The following LGALS8 variants were observed in gnomAD, a reference collection of about 807,000 sequenced individuals.
LGALS8 encodes galectin-8.
LGALS8 carries 30 observed loss-of-function variants against 35.9 expected under a neutral mutation model. The ratio of observed to expected loss-of-function variants is 0.83; its 90% CI spans 0.62 to 1.13. The LOEUF (loss-of-function observed/expected upper bound fraction) is 1.13, where lower values mean the gene tolerates loss of function less well. Ranked by LOEUF, LGALS8 falls within the 50% of genes most tolerant of loss-of-function variation. LGALS8 has a pLI of 0.00. For missense variants in LGALS8, 366 were observed against 388.7 expected (o/e 0.94, Z 0.49); for synonymous variants, 138 against 136.1 (o/e 1.01, Z -0.10).
At chr1:236,524,962 G>A (rs1269708667) in intron 1 of LGALS8, among the ~76,000 whole-genome samples, 1 of 152,128 alleles carries the variant, frequency 6.6e-6, no homozygotes, top group Non-Finnish European at 1.5e-5. Flanking sequence ...CAGAATTGCT[G>A]GAAGTAAAAT....
intron 3 of LGALS8, 78 bp downstream of exon 3, chr1:236,537,663 G>A (rs1661632442): frequency 9.4e-7 from 1 of 1,061,116 alleles, no homozygotes; most frequent in Non-Finnish European, 1.5e-6. Flanking sequence ...GAGTAAGGCG[G>A]GAGAGACCAT....
At chr1:236,542,720 TCC>T (rs1307633588) in intron 6 of LGALS8, 39 bp from the exon 7 acceptor site, 1 of 1,602,296 alleles carries the variant, frequency 6.2e-7, no homozygotes, top group South Asian at 1.1e-5. Flanking sequence ...CTATAATTCT[TCC>T]CCTTCTAACA....
rs1463948881 is a variant in LGALS8 at position 236,548,169 on chromosome 1, A to G, written c.*8A>G. The stretch of plus-strand genomic sequence containing the variant: ...GAAGTAAGGAGCTGGTAGCCTACCT[A>G]CACAGCTGCTACAAAAACCAAAATA... On this transcript the variant is annotated 3_prime_UTR_variant, in exon 10 of 10. Coordinates refer to ENST00000366584, the MANE Select transcript of LGALS8 (RefSeq NM_201544.4). 3.7e-6 allele frequency: 6 copies of G among 1,609,782 alleles called. No individual in the cohort carries two copies. In the South Asian group the frequency reaches 6.7e-5, roughly 18 times the overall value.
intron 2 of LGALS8, among the ~76,000 whole-genome samples, chr1:236,528,124 T>G (rs1157289263): frequency 6.6e-6 from 1 of 152,052 alleles, no homozygotes; most frequent in Non-Finnish European, 1.5e-5. Flanking sequence ...GGCTCACACC[T>G]GTAATCCCAG....
In LGALS8 at chr1:236,548,856, A is replaced by G; in HGVS notation, c.*695A>G. The G allele has an allele frequency of 2.5e-6, 1 of 398,324 alleles. No individual in the cohort carries two copies. Among genetic ancestry groups the G allele is most frequent in the East Asian group, 3.6e-5 (1 of 28,066 alleles). 24.7% of individuals were successfully genotyped at this position (398,324 alleles called of 1,614,324 possible). ...GGCATGACATCTGAGCACAGAAATTAAGGCAAAAAACCAAAGCAAAACAAA... is the reference window on the plus strand; with the variant it reads ...GGCATGACATCTGAGCACAGAAATTGAGGCAAAAAACCAAAGCAAAACAAA... On this transcript the variant is annotated 3_prime_UTR_variant, in exon 10 of 10. Transcript: ENST00000366584.
chr1:236,539,201 T>C, intron 4 of LGALS8, 112 bp downstream of exon 4: 1 of 279,830 alleles, frequency 3.6e-6, no homozygotes, highest in African/African-American at 5.5e-5. Context: ...AGATATAGTT[T>C]GTTTGGCTTT....
Position 236,544,931 on chromosome 1 carries a change from T to C in LGALS8, c.804+16T>C, listed in dbSNP as rs201575471. On this transcript the variant is annotated intron_variant, in intron 9 of 9. Transcript: ENST00000366584. ...GTACTTTGAGGTGAGGTTACAGTTTTTGAAAATGGGACAGCAATAAGAATC... is the reference window on the plus strand; with the variant it reads ...GTACTTTGAGGTGAGGTTACAGTTTCTGAAAATGGGACAGCAATAAGAATC... The C allele has an allele frequency of 4.0e-4, 641 of 1,584,812 alleles. 6 individuals carry two copies. In the South Asian group the frequency reaches 5.3e-3, roughly 13 times the overall value.
chr1:236,548,784 C>T lies in LGALS8; in HGVS notation c.*623C>T, dbSNP rs965040307. On this transcript the variant is annotated 3_prime_UTR_variant, in exon 10 of 10. Coordinates refer to ENST00000366584, the MANE Select transcript of LGALS8 (RefSeq NM_201544.4). ...TGTTGACTGACATCATTTTCTTTAT[C>T]GTAATAAACATGTGGCTCTATTAGC... is the stretch of plus-strand genomic sequence containing the variant. 5.1e-6 allele frequency: 2 copies of T among 394,772 alleles called. No homozygotes were observed. The highest frequency in any genetic ancestry group is 6.4e-4 in the Middle Eastern group (1 of 1,570). 24.5% of individuals were successfully genotyped at this position (394,772 alleles called of 1,614,324 possible). A position where few individuals can be genotyped will look rare whatever the true frequency, so the allele number is the denominator to read the frequency against.
In LGALS8 at chr1:236,544,752, T is replaced by G. The variant is rs767986818; in HGVS notation, c.641T>G (p.Phe214Cys). The G allele has an allele frequency of 3.1e-6, 5 of 1,593,070 alleles. No individual in the cohort carries two copies. Among genetic ancestry groups the G allele is most frequent in the Non-Finnish European group, 4.3e-6 (5 of 1,172,492 alleles). The change falls in exon 9 of 10, where the codon TTT becomes TGT. Residue 214 changes from phenylalanine to cysteine, a missense_variant and splice_region_variant. Coordinates refer to ENST00000366584, the MANE Select transcript of LGALS8 (RefSeq NM_201544.4). ...KGEVNANAKS[F>C]NVDLLAGKSK... ...TTTTTTTCTTTCTTTCTCAAAAGCT[T>G]TAATGTTGACCTACTAGCAGGAAAA...
At chr1:236,543,115 C>G in intron 7 of LGALS8, 1 of 1,385,594 alleles carries the variant, frequency 7.2e-7, no homozygotes. Context: ...TAACCTGTAT[C>G]CACAATAGAG....
In LGALS8 at chr1:236,550,747, A is replaced by G; in HGVS notation, c.*2586A>G. On this transcript the variant is annotated 3_prime_UTR_variant, in exon 10 of 10. Transcript: ENST00000366584. The stretch of plus-strand genomic sequence containing the variant: ...AGAGGCTTATGTGGCAGCACAAGCC[A>G]GGTGGGGATTTTGTAAAGAAGTGAT... The G allele has an allele frequency of 1.7e-6, 1 of 586,294 alleles. No homozygotes were observed. Among genetic ancestry groups the G allele is most frequent in the Non-Finnish European group, 3.0e-6 (1 of 337,656 alleles). 36.3% of individuals were successfully genotyped at this position (586,294 alleles called of 1,614,324 possible).
At chr1:236,522,449 T>A (rs1266386), upstream of LGALS8, among the ~76,000 whole-genome samples, 49,232 of 151,724 alleles carry the variant, frequency 0.32, 8,509 homozygotes, top group East Asian at 0.59. Context: ...CAAAAAAAAA[T>A]TTTTAAATTA....
In LGALS8 at chr1:236,537,021, C is replaced by CTTTTTTTTGTTTTTTTTTTTTT. The variant is rs562338325; in HGVS notation, c.46-468_46-467insGTTTTTTTTTTTTTTTTTTTTT. Among the ~76,000 whole-genome samples, 2 of 137,850 alleles carry CTTTTTTTTGTTTTTTTTTTTTT rather than the reference C, an allele frequency of 1.5e-5. 1 individual carries two copies. 90.4% of individuals were successfully genotyped at this position (137,850 alleles called of 152,430 possible). A position where few individuals can be genotyped will look rare whatever the true frequency, so the allele number is the denominator to read the frequency against. ...ATCCTGGCCATGAGGTATGCAGTTC[C>CTTTTTTTTGTTTTTTTTTTTTT]TTTTTTTTTTTTTGAGACGGAGCCT... On this transcript the variant is annotated intron_variant, in intron 2 of 9. Transcript: ENST00000366584.
At chr1:236,530,806 T>C (rs1329748887) in intron 2 of LGALS8, among the ~76,000 whole-genome samples, 1 of 152,238 alleles carries the variant, frequency 6.6e-6, no homozygotes, top group Non-Finnish European at 1.5e-5. Context: ...AATTTAAAGA[T>C]AATATGTGCA....
Position 236,543,588 on chromosome 1 carries a change from C to A in LGALS8, c.578C>A (p.Thr193Asn), listed in dbSNP as rs774211078. Reference sequence around the variant, plus strand: ...CTGCCATTCGCTGCAAGGTTGAACACCCCCATGGGCCCTGGACGAACTGTC... The same window carrying A: ...CTGCCATTCGCTGCAAGGTTGAACAACCCCATGGGCCCTGGACGAACTGTC... ...LRLPFAARLN[T>N]PMGPGRTVVV... is the part of the protein sequence containing the mutation. Residue 193 changes from threonine to asparagine, a missense_variant, in exon 8 of 10, where the codon ACC becomes AAC. Transcript: ENST00000366584. 6.2e-7 allele frequency: 1 copy of A among 1,613,640 alleles called. No individual in the cohort carries two copies. Among genetic ancestry groups the A allele is most frequent in the Non-Finnish European group, 8.5e-7 (1 of 1,179,668 alleles).
intron 8 of LGALS8, 130 bp downstream of exon 8, chr1:236,543,778 C>G: frequency 1.4e-6 from 1 of 705,212 alleles, no homozygotes; most frequent in Admixed American, 2.1e-5. Context: ...TGAGATGATT[C>G]AAGCAGGAGG....
chr1:236,523,988 G>A lies in LGALS8; in HGVS notation c.-177G>A, dbSNP rs1006099709. On this transcript the variant is annotated 5_prime_UTR_variant, in exon 1 of 10. Coordinates refer to ENST00000366584, the MANE Select transcript of LGALS8 (RefSeq NM_201544.4). The stretch of plus-strand genomic sequence containing the variant: ...CCCGTAGCCGCCCACGGACGCCAGA[G>A]CCGGGAACCCTGACGGCACTTAGCT... 3 of 390,666 alleles carry A rather than the reference G, an allele frequency of 7.7e-6. No individual in the cohort carries two copies. Among genetic ancestry groups the A allele is most frequent in the Non-Finnish European group, 1.0e-5 (2 of 194,058 alleles). 24.2% of individuals were successfully genotyped at this position (390,666 alleles called of 1,614,324 possible).
At chr1:236,540,429 G>T in intron 4 of LGALS8, 135 bp from the exon 5 acceptor site, 2 of 955,928 alleles carry the variant, frequency 2.1e-6, no homozygotes, top group Non-Finnish European at 2.9e-6. Context: ...GTTACCATTT[G>T]GTCATGTGTG....
chr1:236,548,399 C>CTACTT lies in LGALS8; in HGVS notation c.*240_*244dup, dbSNP rs979722183. 9 of 494,278 alleles carry CTACTT rather than the reference C, an allele frequency of 1.8e-5. No homozygotes were observed. The highest frequency in any genetic ancestry group is 1.7e-4 in the African/African-American group (9 of 51,776). The allele number at this position is 494,278 out of a possible 1,614,324, so 30.6% of individuals were successfully genotyped here. On this transcript the variant is annotated 3_prime_UTR_variant, in exon 10 of 10. Transcript: ENST00000366584. ...AGTTAAAGCCACTCTGCCCTCTCTC[C>CTACTT]TACTTTGGCTGACTCTTCAAGAATG...
Sources: allele counts gnomAD v4.1 joint callset (sites outside exome capture counted in the v4.1 genomes callset), GRCh38; gene constraint gnomAD v4.1.1; transcripts MANE v1.5; gene names NCBI Gene and HGNC (gene_info 2026-07-23, HGNC 2026-07-21).